EPHA6: variants seen among roughly 807,000 people sequenced by gnomAD.
EPHA6 encodes the protein EPH receptor A6.
In EPHA6, 50 loss-of-function variants were observed where a neutral mutation model predicts 112.0. The observed-to-expected ratio is 0.45, with a 90% CI of 0.36 to 0.56. The LOEUF is 0.56. Among genes scored for constraint, EPHA6 ranks in the 20% least tolerant of loss-of-function variants. The probability of loss-of-function intolerance (pLI) is 0.00; values close to 1 mark genes in which losing one functional copy is unlikely to be tolerated. For missense variants in EPHA6, 1,280 were observed against 1,417.4 expected, an observed-to-expected ratio of 0.90 and a Z score of 1.56; for synonymous variants, 529 against 490.7, an observed-to-expected ratio of 1.08 and a Z score of -1.03.
At chr3:97,312,742 A>T (rs141642633) in intron 5 of EPHA6, among the ~76,000 whole-genome samples, 1 of 151,312 alleles carries the variant, frequency 6.6e-6, no homozygotes, top group East Asian at 1.9e-4. Flanking sequence ...TGATATAATT[A>T]TACAAGTTTT....
intron 5 of EPHA6, among the ~76,000 whole-genome samples, chr3:97,342,918 A>T (rs2083381099): frequency 6.6e-6 from 1 of 152,208 alleles, no homozygotes; most frequent in South Asian, 2.1e-4. Flanking sequence ...GCCTGAGCTG[A>T]TTAAGACAGT....
rs1013422325 is a variant in EPHA6, at chr3:97,753,993, T to G, written c.*5292T>G. 9.2e-5 allele frequency among the ~76,000 whole-genome samples: 14 copies of G among 152,042 alleles called. No homozygotes were observed. Among genetic ancestry groups the G allele is most frequent in the African/African-American group, 3.1e-4 (13 of 41,494 alleles). ...GAAAAAGATACAGGTCATCAAAATG[T>G]AGTTTTAACAAATCATCTTTTTCTG... On this transcript the variant is annotated 3_prime_UTR_variant, in exon 18 of 18. Transcript: ENST00000389672.
At chr3:97,328,983 C>T (rs897320990) in intron 5 of EPHA6, among the ~76,000 whole-genome samples, 1 of 151,938 alleles carries the variant, frequency 6.6e-6, no homozygotes, top group Non-Finnish European at 1.5e-5. Context: ...AACCCCACAA[C>T]AGGCCCCAGT....
chr3:97,696,291 T>C (rs1376111213), intron 14 of EPHA6, among the ~76,000 whole-genome samples: 1 of 152,210 alleles, frequency 6.6e-6, no homozygotes, highest in Non-Finnish European at 1.5e-5. Context: ...CTTACTCCAT[T>C]GGTGCTCTCT....
chr3:97,627,544 T>A (rs969803613), intron 13 of EPHA6, among the ~76,000 whole-genome samples: 1 of 151,898 alleles, frequency 6.6e-6, no homozygotes, highest in Non-Finnish European at 1.5e-5. Flanking sequence ...TTCTACAGAA[T>A]GGCAAATAAG....
intron 3 of EPHA6, among the ~76,000 whole-genome samples, chr3:97,151,124 C>T (rs931700314): frequency 2.0e-5 from 3 of 152,042 alleles, no homozygotes; most frequent in East Asian, 1.9e-4. Flanking sequence ...GATTGAGCCT[C>T]GAAATAGGCC....
chr3:96,971,147 A>G (rs182480178), intron 2 of EPHA6, among the ~76,000 whole-genome samples: 33 of 152,222 alleles, frequency 2.2e-4, no homozygotes, highest in Admixed American at 2.0e-3. Context: ...CATACAGAAG[A>G]TGAACTGTTT....
At chr3:97,217,847 T>A (rs886654853) in intron 3 of EPHA6, among the ~76,000 whole-genome samples, 2 of 152,226 alleles carry the variant, frequency 1.3e-5, no homozygotes, top group Non-Finnish European at 2.9e-5. Flanking sequence ...TAAATGCTAA[T>A]CTTAGTTTGG....
At chr3:96,835,464 G>A (rs1295604159) in intron 1 of EPHA6, among the ~76,000 whole-genome samples, 1 of 152,002 alleles carries the variant, frequency 6.6e-6, no homozygotes, top group Non-Finnish European at 1.5e-5. Context: ...CCAGGCAGAG[G>A]GAGTATCAAG....
chr3:96,911,851 A>G (rs1009835801), intron 2 of EPHA6, among the ~76,000 whole-genome samples: 7 of 152,052 alleles, frequency 4.6e-5, no homozygotes, highest in Non-Finnish European at 7.4e-5. Flanking sequence ...ATTTCAGTAT[A>G]TGTATTTAAG....
intron 5 of EPHA6, among the ~76,000 whole-genome samples, chr3:97,346,397 T>C (rs2083532604): frequency 6.6e-6 from 1 of 152,072 alleles, no homozygotes; most frequent in South Asian, 2.1e-4. Context: ...ACAGATATAA[T>C]AAATGCCTTC....
intron 3 of EPHA6, among the ~76,000 whole-genome samples, chr3:97,110,057 C>G (rs1429898315): frequency 6.6e-6 from 1 of 152,042 alleles, no homozygotes; most frequent in Non-Finnish European, 1.5e-5. Flanking sequence ...TTTCTTGCCA[C>G]TTGGAGAATA....
chr3:97,532,590 G>T, intron 11 of EPHA6, 47 bp downstream of exon 11: 1 of 1,462,914 alleles, frequency 6.8e-7, no homozygotes, highest in Non-Finnish European at 9.2e-7. Flanking sequence ...ACCTATCTCA[G>T]TTTTTTTTTA....
intron 14 of EPHA6, among the ~76,000 whole-genome samples, chr3:97,660,606 CTG>C (rs968450924): frequency 4.1e-4 from 63 of 152,074 alleles, no homozygotes; most frequent in African/African-American, 1.4e-3. Context: ...AAACATCATT[CTG>C]TGAGCTCGCT....
At chr3:97,422,674 CA>C (rs1365573859) in intron 6 of EPHA6, among the ~76,000 whole-genome samples, 4 of 152,106 alleles carry the variant, frequency 2.6e-5, no homozygotes, top group African/African-American at 9.7e-5. Flanking sequence ...ACCAGAAGTT[CA>C]GCCATAAAGC....
intron 11 of EPHA6, among the ~76,000 whole-genome samples, chr3:97,541,430 A>G (rs2092848813): frequency 6.6e-6 from 1 of 152,188 alleles, no homozygotes; most frequent in South Asian, 2.1e-4. Context: ...AGGTTGGTGC[A>G]AAAGTCATCA....
chr3:97,524,069 G>A (rs1002345185), intron 10 of EPHA6, among the ~76,000 whole-genome samples: 2 of 152,012 alleles, frequency 1.3e-5, no homozygotes, highest in East Asian at 1.9e-4. Flanking sequence ...ACTGTAGACT[G>A]TAATCTCTTT....
intron 15 of EPHA6, among the ~76,000 whole-genome samples, chr3:97,732,180 A>G (rs1214161970): frequency 6.6e-6 from 1 of 151,694 alleles, no homozygotes; most frequent in African/African-American, 2.4e-5. Context: ...GTAACCTCCC[A>G]ACCTCAAAAC....
chr3:96,994,732 T>TATATAGAGAGAGAGAGAGAG (rs1170197805), intron 3 of EPHA6, among the ~76,000 whole-genome samples: 8 of 82,212 alleles, frequency 9.7e-5, no homozygotes, highest in African/African-American at 1.9e-4. Flanking sequence ...TATATATATA[T>TATATAGAGAGAGAGAGAGAG]AGAGAGAGAG....
Sources: allele counts gnomAD v4.1 joint callset (sites outside exome capture counted in the v4.1 genomes callset), GRCh38; gene constraint gnomAD v4.1.1; transcripts MANE v1.5; gene names NCBI Gene and HGNC (gene_info 2026-07-23, HGNC 2026-07-21).